The following ERGIC1 variants were observed in gnomAD, a reference collection of about 807,000 sequenced individuals.
ERGIC1 encodes the protein endoplasmic reticulum-Golgi intermediate compartment protein 1.
A neutral mutation model predicts 38.3 loss-of-function variants in ERGIC1; 19 were observed. The observed-to-expected ratio is 0.50, with a 90% CI of 0.35 to 0.73. The LOEUF (loss-of-function observed/expected upper bound fraction) is 0.73. ERGIC1 is among the 30% of genes least tolerant of loss of function. The probability of loss-of-function intolerance (pLI) is 0.01; values close to 1 mark genes in which losing one functional copy is unlikely to be tolerated. For synonymous variants in ERGIC1, 124 were observed against 157.6 expected, an observed-to-expected ratio of 0.79 and a Z score of 1.60; for missense variants, 294 against 389.2, an observed-to-expected ratio of 0.76 and a Z score of 2.06.
chr5:172,910,236 T>C (rs1489350395), intron 4 of ERGIC1, among the ~76,000 whole-genome samples: 2 of 152,218 alleles, frequency 1.3e-5, no homozygotes, highest in African/African-American at 4.8e-5. Flanking sequence ...AGGCTGTTAT[T>C]ATCCATGTCA....
chr5:172,936,526 GGGC>G (rs199933707), intron 9 of ERGIC1: 3,039 of 152,464 alleles, frequency 0.02, 42 homozygotes, highest in Middle Eastern at 0.044. Context: ...GAAAAGGCAG[GGGC>G]CAGCTACTGG....
intron 3 of ERGIC1, among the ~76,000 whole-genome samples, chr5:172,908,046 C>T (rs1252371190): frequency 2.0e-5 from 3 of 151,716 alleles, no homozygotes; most frequent in African/African-American, 7.3e-5. Flanking sequence ...CTAAATATGG[C>T]CGATGCGGTC....
intron 2 of ERGIC1, among the ~76,000 whole-genome samples, chr5:172,893,900 T>C (rs867818929): frequency 3.5e-4 from 13 of 36,726 alleles, no homozygotes; most frequent in African/African-American, 7.9e-4. Context: ...TATATATATA[T>C]ATATATGTGT....
intron 3 of ERGIC1, among the ~76,000 whole-genome samples, chr5:172,909,168 C>CTTTTTTTTTTTTTTTTTTTTT (rs70984920): frequency 1.2e-5 from 1 of 80,840 alleles, no homozygotes; most frequent in Non-Finnish European, 2.4e-5. Context: ...GCCCTCCCCT[C>CTTTTTTTTTTTTTTTTTTTTT]TTTTTTTTTT....
At chr5:172,855,753 G>A (rs923081267) in intron 1 of ERGIC1, among the ~76,000 whole-genome samples, 5 of 152,186 alleles carry the variant, frequency 3.3e-5, no homozygotes, top group South Asian at 2.1e-4. Context: ...CAGAGCCTTC[G>A]GGCACGGTGA....
chr5:172,946,783 C>CT (rs1764131794), intron 9 of ERGIC1, among the ~76,000 whole-genome samples: 1 of 152,192 alleles, frequency 6.6e-6, no homozygotes, highest in South Asian at 2.1e-4. Context: ...CTCCTACTGA[C>CT]TGCCAGTGTG....
chr5:172,891,429 A>G (rs1762555166), intron 2 of ERGIC1, among the ~76,000 whole-genome samples: 1 of 151,816 alleles, frequency 6.6e-6, no homozygotes, highest in Non-Finnish European at 1.5e-5. Context: ...GAGTTTTAAA[A>G]AATATATTTA....
intron 1 of ERGIC1, among the ~76,000 whole-genome samples, chr5:172,887,474 T>C (rs781749747): frequency 4.6e-5 from 7 of 152,222 alleles, no homozygotes; most frequent in Non-Finnish European, 1.0e-4. Flanking sequence ...GGTCTAGTAC[T>C]AATGGTCCCA....
intron 1 of ERGIC1, among the ~76,000 whole-genome samples, chr5:172,881,382 A>G (rs946939894): frequency 2.6e-5 from 4 of 152,192 alleles, no homozygotes; most frequent in African/African-American, 9.7e-5. Flanking sequence ...AAGGCTATCC[A>G]GTGGGCCTTA....
Position 172,918,029 on chromosome 5 carries a change from T to A in ERGIC1, c.375+3191T>A, listed in dbSNP as rs139658559. 412 of 152,340 alleles carry A rather than the reference T, an allele frequency of 2.7e-3. 2 individuals carry two copies. Among genetic ancestry groups the A allele is most frequent in the African/African-American group, 9.4e-3 (389 of 41,566 alleles). The allele number at this position is 152,340 out of a possible 1,614,324, so 9.4% of individuals were successfully genotyped here. A position where few individuals can be genotyped will look rare whatever the true frequency, so the allele number is the denominator to read the frequency against. ...AAAATACAAAAGTTAACCAAGCCTATGCTTGTAGTCACAGCTACTCGGGAG... is the reference window on the plus strand; with the variant it reads ...AAAATACAAAAGTTAACCAAGCCTAAGCTTGTAGTCACAGCTACTCGGGAG... On this transcript the variant is annotated intron_variant, in intron 5 of 9. Coordinates refer to ENST00000393784, the MANE Select transcript of ERGIC1 (RefSeq NM_001031711.3).
At chr5:172,913,062 C>T (rs1204135437) in intron 4 of ERGIC1, among the ~76,000 whole-genome samples, 1 of 2,362 alleles carries the variant, frequency 4.2e-4, no homozygotes, top group Non-Finnish European at 6.0e-4. Context: ...AGCCACTGTG[C>T]CCAGTCGTTT....
chr5:172,844,293 G>A (rs1488923969), intron 1 of ERGIC1, among the ~76,000 whole-genome samples: 5 of 152,228 alleles, frequency 3.3e-5, no homozygotes, highest in Admixed American at 1.3e-4. Context: ...CACCTGGAGC[G>A]CGAGGCCCTG....
intron 1 of ERGIC1, among the ~76,000 whole-genome samples, chr5:172,882,270 C>T (rs1762302833): frequency 6.6e-6 from 1 of 152,340 alleles, no homozygotes; most frequent in Middle Eastern, 3.4e-3. Flanking sequence ...GCCTTGATCA[C>T]TTTCATTTCC....
intron 9 of ERGIC1, among the ~76,000 whole-genome samples, chr5:172,949,933 C>T (rs1157849252): frequency 6.6e-6 from 1 of 152,104 alleles, no homozygotes; most frequent in African/African-American, 2.4e-5. Flanking sequence ...ATTAGCCAGG[C>T]GCGGTGGCAG....
intron 1 of ERGIC1, among the ~76,000 whole-genome samples, chr5:172,879,298 T>C (rs1046028400): frequency 1.3e-5 from 2 of 152,184 alleles, no homozygotes; most frequent in African/African-American, 2.4e-5. Flanking sequence ...TTATTCGGGG[T>C]TGGGCTCTGC....
At chr5:172,862,307 C>CAA (rs58968820) in intron 1 of ERGIC1, among the ~76,000 whole-genome samples, 36,303 of 49,138 alleles carry the variant, frequency 0.74, 15,083 homozygotes, top group South Asian at 0.81. Context: ...GACTACATCT[C>CAA]AAAAAAAAAA....
chr5:172,883,468 A>G (rs1252441805), intron 1 of ERGIC1, among the ~76,000 whole-genome samples: 2 of 152,224 alleles, frequency 1.3e-5, no homozygotes, highest in African/African-American at 4.8e-5. Context: ...AGTGCTCTTG[A>G]CAAATGCCAG....
chr5:172,867,964 C>T lies in ERGIC1; in HGVS notation c.21-20735C>T, dbSNP rs189611732. Among the ~76,000 whole-genome samples the T allele has an allele frequency of 2.3e-3, 343 of 152,322 alleles. 2 individuals carry two copies. In the South Asian group the frequency reaches 0.032, roughly 14 times the overall value. ...GAGTAAACTGAGGCTCCAAGAGATTCAGCCAGTTGCTTAGCAGAGTCAGGA... is the reference window on the plus strand; with the variant it reads ...GAGTAAACTGAGGCTCCAAGAGATTTAGCCAGTTGCTTAGCAGAGTCAGGA... On this transcript the variant is annotated intron_variant, in intron 1 of 9. Transcript: ENST00000393784.
At chr5:172,864,729 C>G (rs558669863) in intron 1 of ERGIC1, among the ~76,000 whole-genome samples, 1 of 152,028 alleles carries the variant, frequency 6.6e-6, no homozygotes, top group Admixed American at 6.6e-5. Flanking sequence ...AAAGCATGAA[C>G]CATATTAACA....
Sources: allele counts gnomAD v4.1 joint callset (sites outside exome capture counted in the v4.1 genomes callset), GRCh38; gene constraint gnomAD v4.1.1; transcripts MANE v1.5; gene names NCBI Gene and HGNC (gene_info 2026-07-23, HGNC 2026-07-21).